The following CEP112 variants were observed in gnomAD, a reference collection of about 807,000 sequenced individuals.
CEP112 encodes centrosomal protein 112, also known as centrosomal protein of 112 kDa.
A neutral mutation model predicts 153.0 loss-of-function variants in CEP112; 127 were observed. That is an observed-to-expected ratio of 0.83 (90% CI 0.72 to 0.96). CEP112 has a LOEUF of 0.96. CEP112 is among the 40% of genes least tolerant of loss of function. CEP112 has a pLI of 0.00. For missense variants in CEP112, 1,089 were observed against 1,101.2 expected (o/e 0.99, Z 0.16); for synonymous variants, 358 against 374.4 (o/e 0.96, Z 0.51).
At chr17:65,775,689 G>A (rs1311662762) in intron 21 of CEP112, among the ~76,000 whole-genome samples, 1 of 151,966 alleles carries the variant, frequency 6.6e-6, no homozygotes. Flanking sequence ...TTTTAGTAGA[G>A]ATGGCATTTC....
chr17:66,140,798 T>C, intron 4 of CEP112, among the ~76,000 whole-genome samples: 1 of 151,974 alleles, frequency 6.6e-6, no homozygotes, highest in East Asian at 1.9e-4. Flanking sequence ...CCACCACGCC[T>C]GGCTAATTTT....
At chr17:65,972,314 A>G (rs1444378037) in intron 17 of CEP112, among the ~76,000 whole-genome samples, 5 of 152,248 alleles carry the variant, frequency 3.3e-5, no homozygotes, top group Non-Finnish European at 1.5e-5. Flanking sequence ...CAAAGAAAAA[A>G]TAAAATGAGA....
At chr17:65,853,762 T>C (rs1428569703) in intron 20 of CEP112, among the ~76,000 whole-genome samples, 1 of 151,940 alleles carries the variant, frequency 6.6e-6, no homozygotes. Context: ...CGGTTCTGTG[T>C]AGACAGGAAA....
At chr17:66,025,344 C>T (rs189964282) in intron 16 of CEP112, among the ~76,000 whole-genome samples, 326 of 152,048 alleles carry the variant, frequency 2.1e-3, no homozygotes, top group African/African-American at 7.7e-3. Context: ...AAAAGACAAC[C>T]GTAAGAATAG....
intron 18 of CEP112, among the ~76,000 whole-genome samples, chr17:65,937,403 G>A (rs1266653647): frequency 1.3e-4 from 15 of 114,452 alleles, no homozygotes; most frequent in African/African-American, 2.8e-4. Flanking sequence ...CATCGTCTGA[G>A]ATGTGGGGAG....
chr17:65,927,038 G>A (rs2060950766), intron 19 of CEP112, among the ~76,000 whole-genome samples: 1 of 152,186 alleles, frequency 6.6e-6, no homozygotes, highest in African/African-American at 2.4e-5. Context: ...TTGGATCATG[G>A]GGGCGGATCC....
At chr17:65,771,532 A>T (rs1199492321) in intron 21 of CEP112, among the ~76,000 whole-genome samples, 5 of 152,192 alleles carry the variant, frequency 3.3e-5, no homozygotes, top group Non-Finnish European at 7.3e-5. Flanking sequence ...ACTGCTATCA[A>T]CCTACTTGAC....
chr17:66,188,964 A>G (rs1238444338), intron 1 of CEP112, among the ~76,000 whole-genome samples: 1 of 152,228 alleles, frequency 6.6e-6, no homozygotes, highest in Non-Finnish European at 1.5e-5. Context: ...GCCTGAGAAC[A>G]TCTATAGCTA....
intron 6 of CEP112, among the ~76,000 whole-genome samples, chr17:66,120,018 T>C (rs2069498940): frequency 6.6e-6 from 1 of 152,250 alleles, no homozygotes; most frequent in Non-Finnish European, 1.5e-5. Flanking sequence ...TTATATATTC[T>C]GGATAAAGGT....
intron 19 of CEP112, among the ~76,000 whole-genome samples, chr17:65,907,398 C>A (rs936678061): frequency 3.3e-5 from 5 of 152,120 alleles, no homozygotes; most frequent in African/African-American, 1.2e-4. Context: ...TTTGCCAGGG[C>A]CTATTGCTCA....
At chr17:65,744,317 A>G (rs1200443201) in intron 22 of CEP112, among the ~76,000 whole-genome samples, 1 of 151,634 alleles carries the variant, frequency 6.6e-6, no homozygotes, top group African/African-American at 2.4e-5. Context: ...GCAGTGGTGC[A>G]ATCTCGGCTC....
intron 21 of CEP112, among the ~76,000 whole-genome samples, chr17:65,832,085 A>C (rs1598726037): frequency 6.6e-6 from 1 of 152,304 alleles, no homozygotes; most frequent in African/African-American, 2.4e-5. Flanking sequence ...ATGCTCCTGA[A>C]TGACTTTTGG....
At chr17:65,753,285 C>G (rs2052003476) in intron 21 of CEP112, among the ~76,000 whole-genome samples, 1 of 152,122 alleles carries the variant, frequency 6.6e-6, no homozygotes, top group Non-Finnish European at 1.5e-5. Flanking sequence ...TAGAAGGCAG[C>G]TCCTAGCCCC....
At chr17:66,132,325 C>T (rs2070222646) in intron 5 of CEP112, among the ~76,000 whole-genome samples, 1 of 151,998 alleles carries the variant, frequency 6.6e-6, no homozygotes, top group Non-Finnish European at 1.5e-5. Flanking sequence ...GCAGTGTTCC[C>T]TACTTCACTA....
At chr17:65,789,739 C>T (rs1239937665) in intron 21 of CEP112, among the ~76,000 whole-genome samples, 5 of 151,948 alleles carry the variant, frequency 3.3e-5, no homozygotes, top group African/African-American at 1.2e-4. Context: ...CAGTTTGGGC[C>T]AAGTCACATT....
intron 19 of CEP112, among the ~76,000 whole-genome samples, chr17:65,925,551 T>C (rs1287080137): frequency 6.6e-6 from 1 of 152,224 alleles, no homozygotes; most frequent in Non-Finnish European, 1.5e-5. Context: ...ACGCCTGTGC[T>C]GCTTGATGAA....
Position 66,152,781 on chromosome 17 carries a change from T to C in CEP112, c.471-20018A>G, listed in dbSNP as rs150592213. On this transcript the variant is annotated intron_variant, in intron 4 of 26. Transcript: ENST00000535342. ...CTACTTGCCTATCTGGATTTCAGAA[T>C]TGTTATGAACTAGTGACTTTTTAGA... is the stretch of plus-strand genomic sequence containing the variant. Among the ~76,000 whole-genome samples, 537 of 152,320 alleles carry C rather than the reference T, an allele frequency of 3.5e-3. 1 individual carries two copies. The highest frequency in any genetic ancestry group is 0.012 in the African/African-American group (492 of 41,574).
intron 21 of CEP112, among the ~76,000 whole-genome samples, chr17:65,821,560 T>G (rs2056584362): frequency 8.9e-6 from 1 of 112,952 alleles, no homozygotes; most frequent in Non-Finnish European, 1.8e-5. Context: ...TTTTTTTTTT[T>G]TTTTTTTCTG....
intron 21 of CEP112, among the ~76,000 whole-genome samples, chr17:65,770,495 G>A (rs746047271): frequency 6.6e-5 from 10 of 152,062 alleles, no homozygotes; most frequent in Admixed American, 1.3e-4. Context: ...GAAATAAGTC[G>A]TTCAGGCAGA....
Sources: allele counts gnomAD v4.1 joint callset (sites outside exome capture counted in the v4.1 genomes callset), GRCh38; gene constraint gnomAD v4.1.1; transcripts MANE v1.5; gene names NCBI Gene and HGNC (gene_info 2026-07-23, HGNC 2026-07-21).